Variants in TTC19 observed in about 807,000 individuals in gnomAD.
The protein encoded by TTC19 is tetratricopeptide repeat domain 19.
A neutral mutation model predicts 49.5 loss-of-function variants in TTC19; 38 were observed. The observed-to-expected ratio is 0.77, with a 90% CI of 0.59 to 1.01. TTC19 has a LOEUF of 1.01. Ranked by LOEUF, TTC19 falls within the 50% of genes least tolerant of loss-of-function variation. TTC19 has a pLI of 0.00. For synonymous variants in TTC19, 204 were observed against 185.2 expected (o/e 1.10, Z -0.83); for missense variants, 475 against 477.7 (o/e 0.99, Z 0.05).
chr17:16,033,336 CAAAA>C (rs59285422), downstream of TTC19, among the ~76,000 whole-genome samples: 131 of 57,454 alleles, frequency 2.3e-3, 1 homozygote, highest in Middle Eastern at 8.5e-3. Flanking sequence ...ACTCCGTCTC[CAAAA>C]AAAAAAAAAA....
At chr17:16,038,160 TAAACTA>T (rs1437376279) in intron 2 of TTC19, among the ~76,000 whole-genome samples, 1 of 151,734 alleles carries the variant, frequency 6.6e-6, no homozygotes, top group Non-Finnish European at 1.5e-5. Flanking sequence ...AAAATAAATC[TAAACTA>T]AAACAGAAAT....
chr17:16,041,032 A>G (rs1183078532), intron 2 of TTC19: 1 of 153,952 alleles, frequency 6.5e-6, no homozygotes, highest in East Asian at 1.9e-4. Context: ...TGACCGCCAC[A>G]AATACCAACA....
rs564891595 is a variant in TTC19, at chr17:16,040,367, C to T, written c.248-4136C>T. 7 of 1,202,986 alleles carry T rather than the reference C, an allele frequency of 5.8e-6. No individual in the cohort carries two copies. In the South Asian group the frequency reaches 7.4e-5, roughly 13 times the overall value. The allele number at this position is 1,202,986 out of a possible 1,614,324, so 74.5% of individuals were successfully genotyped here. A position where few individuals can be genotyped will look rare whatever the true frequency, so the allele number is the denominator to read the frequency against. ...TCACTCCCCTGGTATACAGTTGGTA[C>T]TCAGTACATATTTGTTGGACTGACT... On this transcript the variant is annotated intron_variant, in intron 2 of 2. Coordinates refer to the TTC19 transcript ENST00000470649.
rs1435611780 is a variant in TTC19, at chr17:16,028,792, T to C, written c.*1270T>C. On this transcript the variant is annotated 3_prime_UTR_variant, in exon 10 of 10. Transcript: ENST00000261647. ...AATGAGACTACACAACAATATTGTA[T>C]GTATCCCAGTAATCTTTGCATTTCT... is the stretch of plus-strand genomic sequence containing the variant. 2.5e-6 allele frequency: 1 copy of C among 398,090 alleles called. No individual in the cohort carries two copies. The highest frequency in any genetic ancestry group is 3.2e-5 in the Admixed American group (1 of 31,402). The allele number at this position is 398,090 out of a possible 1,614,324, so 24.7% of individuals were successfully genotyped here. A position where few individuals can be genotyped will look rare whatever the true frequency, so the allele number is the denominator to read the frequency against.
intron 7 of TTC19, among the ~76,000 whole-genome samples, chr17:16,022,627 A>C (rs73278161): frequency 1.7e-3 from 261 of 152,348 alleles, no homozygotes; most frequent in African/African-American, 6.1e-3. Flanking sequence ...TTACAAATGC[A>C]TATAATTGCT....
intron 2 of TTC19, 42 bp from the exon 3 acceptor site, chr17:16,001,873 A>G: frequency 7.3e-7 from 1 of 1,369,824 alleles, no homozygotes; most frequent in Non-Finnish European, 1.0e-6. Context: ...ATATGCATCT[A>G]CTATATGTTT....
intron 8 of TTC19, among the ~76,000 whole-genome samples, chr17:16,025,489 T>C (rs1971523197): frequency 1.3e-5 from 2 of 152,328 alleles, no homozygotes; most frequent in East Asian, 3.9e-4. Context: ...GTGGGGTCTC[T>C]AGATACCCCT....
chr17:16,005,010 C>G (rs1329324230), intron 6 of TTC19, among the ~76,000 whole-genome samples: 1 of 152,214 alleles, frequency 6.6e-6, no homozygotes, highest in African/African-American at 2.4e-5. Context: ...CTTGGTCAAT[C>G]TTTCTTGGAG....
At position 16,028,116 on chromosome 17, in the gene TTC19, C is replaced by A. The variant is rs1435335882; in HGVS notation, c.*594C>A. On this transcript the variant is annotated 3_prime_UTR_variant, in exon 10 of 10. Transcript: ENST00000261647. ...GATTAGGCACGTGACAGTATAGCAC[C>A]CATTTGAATTTAAATAAAAGTGAAC... The A allele has an allele frequency of 8.8e-6, 4 of 453,770 alleles. No homozygotes were observed. The highest frequency in any genetic ancestry group is 4.0e-5 in the African/African-American group (2 of 49,930). The allele number at this position is 453,770 out of a possible 1,614,324, so 28.1% of individuals were successfully genotyped here.
intron 7 of TTC19, among the ~76,000 whole-genome samples, chr17:16,019,965 T>TAA (rs765337283): frequency 0.022 from 2,431 of 112,318 alleles, 93 homozygotes; most frequent in African/African-American, 0.072. Context: ...CATCTCTACT[T>TAA]AAAAAAAAAA....
At chr17:16,018,025 A>G in intron 7 of TTC19, among the ~76,000 whole-genome samples, 1 of 152,230 alleles carries the variant, frequency 6.6e-6, no homozygotes, top group East Asian at 1.9e-4. Flanking sequence ...CTAAAATGAG[A>G]TGAGTACATT....
At chr17:16,014,739 C>T (rs1177669462) in intron 7 of TTC19, among the ~76,000 whole-genome samples, 2 of 152,172 alleles carry the variant, frequency 1.3e-5, no homozygotes, top group African/African-American at 4.8e-5. Flanking sequence ...ACTTTTGGTC[C>T]TAAACATTTC....
Position 16,027,462 on chromosome 17 carries a change from G to A in TTC19, c.1083G>A (p.Arg361=), listed in dbSNP as rs1196925052. ...KKDEISVQHI[R]EELAELSKKS... The stretch of plus-strand genomic sequence containing the variant: ...ATGAAATTTCTGTACAACACATCAG[G>A]GAAGAGTTGGCTGAGCTGTCAAAGA... The change falls in exon 10 of 10, where the codon AGG becomes AGA. Residue 361 remains arginine, a synonymous_variant. Coordinates refer to ENST00000261647, the MANE Select transcript of TTC19 (RefSeq NM_017775.4). 6.2e-7 allele frequency: 1 copy of A among 1,614,028 alleles called. No homozygotes were observed. The highest frequency in any genetic ancestry group is 2.2e-5 in the East Asian group (1 of 44,872).
At chr17:16,017,448 CAAAAA>C (rs372559333) in intron 7 of TTC19, among the ~76,000 whole-genome samples, 37 of 53,708 alleles carry the variant, frequency 6.9e-4, no homozygotes, top group Non-Finnish European at 1.4e-3. Context: ...GACTCCGGCT[CAAAAA>C]AAAAAAAAAA....
chr17:16,040,989 T>A (rs1434106922), intron 2 of TTC19: 1 of 156,596 alleles, frequency 6.4e-6, no homozygotes, highest in Admixed American at 6.4e-5. Flanking sequence ...GAACCAAGGC[T>A]TTCTGACGAA....
intron 7 of TTC19, among the ~76,000 whole-genome samples, chr17:16,021,535 T>C (rs1971384982): frequency 6.6e-6 from 1 of 152,162 alleles, no homozygotes; most frequent in Non-Finnish European, 1.5e-5. Context: ...ACCAGGAATA[T>C]GTTGGGGCAG....
intron 7 of TTC19, among the ~76,000 whole-genome samples, chr17:16,015,876 C>T (rs971210971): frequency 6.6e-6 from 1 of 151,994 alleles, no homozygotes; most frequent in African/African-American, 2.4e-5. Flanking sequence ...GATTTGGCAC[C>T]TATATTTTAC....
chr17:16,036,578 T>G (rs1438191468), intron 2 of TTC19, among the ~76,000 whole-genome samples: 1 of 152,244 alleles, frequency 6.6e-6, no homozygotes, highest in Non-Finnish European at 1.5e-5. Flanking sequence ...AGCTAGGTCT[T>G]CTGAGTAACT....
At chr17:16,014,964 A>G (rs1355323124) in intron 7 of TTC19, among the ~76,000 whole-genome samples, 2 of 152,188 alleles carry the variant, frequency 1.3e-5, no homozygotes, top group African/African-American at 2.4e-5. Context: ...GCTTGCTTGT[A>G]GGTTAATTGC....
Sources: allele counts gnomAD v4.1 joint callset (sites outside exome capture counted in the v4.1 genomes callset), GRCh38; gene constraint gnomAD v4.1.1; transcripts MANE v1.5; gene names NCBI Gene and HGNC (gene_info 2026-07-23, HGNC 2026-07-21).